Variants in HYCC2 observed in about 807,000 individuals in gnomAD.
The protein encoded by HYCC2 is hyccin 2.
At chr2:200,988,264 T>C in the HYCC2 span, 15 of 1,607,414 alleles carry the variant, frequency 9.3e-6, no homozygotes, top group Non-Finnish European at 1.1e-5. Context: ...GTACTCACCT[T>C]CTCTTCTCCA....
chr2:200,986,845 A>C, the HYCC2 span, among the ~76,000 whole-genome samples: 1 of 152,242 alleles, frequency 6.6e-6, no homozygotes, highest in South Asian at 2.1e-4. Flanking sequence ...CAAAGAGCTG[A>C]GAAATTGTCC....
chr2:201,009,218 GA>G, the HYCC2 span: 1 of 511,102 alleles, frequency 2.0e-6, no homozygotes, highest in African/African-American at 1.9e-5. Context: ...ATTCTTCACG[GA>G]AAAGGTTCAG....
At chr2:201,024,156 A>C in the HYCC2 span, 4 of 571,416 alleles carry the variant, frequency 7.0e-6, no homozygotes, top group African/African-American at 5.7e-5. Context: ...AGATAAGGTG[A>C]CTTGTCTTAG....
chr2:200,981,918 GA>G, the HYCC2 span: 1 of 1,541,558 alleles, frequency 6.5e-7, no homozygotes, highest in Non-Finnish European at 8.7e-7. The surrounding 1 kb of genome is among the most constrained non-coding windows in gnomAD (Gnocchi z 4.5). Flanking sequence ...AATTAAATAA[GA>G]AGCAGCTGTG....
At chr2:201,070,482 G>C in the HYCC2 span, among the ~76,000 whole-genome samples, 7 of 152,032 alleles carry the variant, frequency 4.6e-5, no homozygotes, top group South Asian at 1.5e-3. Flanking sequence ...GAGAAACCCC[G>C]TATCTACTAA....
the HYCC2 span, among the ~76,000 whole-genome samples, chr2:201,002,625 A>C: frequency 6.6e-6 from 1 of 151,648 alleles, no homozygotes; most frequent in African/African-American, 2.4e-5. Context: ...TCCCGGGTTC[A>C]AGCGATTCTC....
chr2:201,004,091 C>T, the HYCC2 span, among the ~76,000 whole-genome samples: 1 of 152,270 alleles, frequency 6.6e-6, no homozygotes, highest in East Asian at 1.9e-4. Flanking sequence ...GCTGGGATTA[C>T]AGGCGTGAGC....
At chr2:201,019,433 C>A in the HYCC2 span, among the ~76,000 whole-genome samples, 1 of 152,028 alleles carries the variant, frequency 6.6e-6, no homozygotes, top group Non-Finnish European at 1.5e-5. Context: ...AAGTTTTAAT[C>A]AGATACTACT....
the HYCC2 span, among the ~76,000 whole-genome samples, chr2:201,029,507 T>C: frequency 2.6e-5 from 4 of 152,092 alleles, no homozygotes; most frequent in African/African-American, 9.7e-5. Context: ...CTATTCACAA[T>C]AGCAAAGACT....
the HYCC2 span, chr2:200,980,986 T>C: frequency 7.4e-5 from 34 of 457,806 alleles, no homozygotes; most frequent in African/African-American, 6.7e-4. Context: ...CAGCCTACGA[T>C]GGATTGCACA....
chr2:200,987,437 C>G, the HYCC2 span: 2 of 1,289,844 alleles, frequency 1.6e-6, no homozygotes, highest in South Asian at 1.2e-5. Context: ...AGCACCTCCC[C>G]CTCTTGCACA....
At chr2:200,992,795 T>A in the HYCC2 span, 1 of 819,602 alleles carries the variant, frequency 1.2e-6, no homozygotes, top group Non-Finnish European at 2.0e-6. Flanking sequence ...AACAAAAGAT[T>A]CAGTATTGTG....
chr2:201,022,980 A>G, the HYCC2 span: 3 of 1,277,452 alleles, frequency 2.3e-6, no homozygotes, highest in Non-Finnish European at 3.4e-6. Context: ...TTGAGAAGCA[A>G]GGAACTTTAT....
chr2:200,982,471 A>G, the HYCC2 span, among the ~76,000 whole-genome samples: 1 of 152,120 alleles, frequency 6.6e-6, no homozygotes, highest in African/African-American at 2.4e-5. Flanking sequence ...ACTCAAAACT[A>G]TATTGCTTCT....
chr2:201,064,205 C>T, the HYCC2 span, among the ~76,000 whole-genome samples: 1 of 151,704 alleles, frequency 6.6e-6, no homozygotes, highest in South Asian at 2.1e-4. Context: ...TGTGTATGGG[C>T]AAAAAACTCG....
the HYCC2 span, among the ~76,000 whole-genome samples, chr2:201,033,751 G>A: frequency 8.6e-5 from 13 of 151,898 alleles, no homozygotes; most frequent in Admixed American, 5.3e-4. Context: ...ATGTTGCCCA[G>A]ATTGGTCTCA....
At chr2:201,053,109 A>G in the HYCC2 span, among the ~76,000 whole-genome samples, 1 of 151,936 alleles carries the variant, frequency 6.6e-6, no homozygotes, top group African/African-American at 2.4e-5. Flanking sequence ...ATCCAGTACT[A>G]TCTATTAAAT....
the HYCC2 span, among the ~76,000 whole-genome samples, chr2:200,994,819 G>A: frequency 1.3e-5 from 2 of 151,900 alleles, no homozygotes; most frequent in African/African-American, 4.8e-5. Context: ...TGGACAACAC[G>A]GTGAGACCCC....
the HYCC2 span, chr2:201,022,809 T>C: frequency 2.2e-5 from 32 of 1,428,742 alleles, no homozygotes; most frequent in Middle Eastern, 3.5e-4. Flanking sequence ...ATGTAGAAAT[T>C]ATTTTTCTTG....
Sources: allele counts gnomAD v4.1 joint callset (sites outside exome capture counted in the v4.1 genomes callset), GRCh38; gene constraint gnomAD v4.1.1; non-coding constraint Gnocchi (gnomAD v3.1); transcripts MANE v1.5; gene names NCBI Gene and HGNC (gene_info 2026-07-23, HGNC 2026-07-21).